The following SLCO5A1 variants were observed in gnomAD, a reference collection of about 807,000 sequenced individuals.
SLCO5A1 encodes solute carrier organic anion transporter family member 5A1.
A neutral mutation model predicts 65.1 loss-of-function variants in SLCO5A1; 39 were observed. The ratio of observed to expected loss-of-function variants is 0.60; its 90% CI spans 0.46 to 0.78. SLCO5A1 has a LOEUF of 0.78. Among genes scored for constraint, SLCO5A1 ranks in the 30% least tolerant of loss-of-function variants. The pLI is 0.00. For missense variants in SLCO5A1, 1,029 were observed against 1,069.4 expected, an observed-to-expected ratio of 0.96 and a Z score of 0.53; for synonymous variants, 438 against 415.7, an observed-to-expected ratio of 1.05 and a Z score of -0.65.
chr8:69,794,341 G>T, intron 2 of SLCO5A1: 2 of 440,034 alleles, frequency 4.5e-6, no homozygotes, highest in Admixed American at 2.5e-5. Flanking sequence ...GGACTGAGTA[G>T]ACAGTTCATC....
chr8:69,684,319 A>G (rs527962016), intron 6 of SLCO5A1, among the ~76,000 whole-genome samples: 1 of 152,324 alleles, frequency 6.6e-6, no homozygotes, highest in South Asian at 2.1e-4. Context: ...ATGGGCCAGT[A>G]GTTCCTACTG....
chr8:69,753,989 C>G (rs113624658), intron 4 of SLCO5A1, among the ~76,000 whole-genome samples: 2,162 of 143,186 alleles, frequency 0.015, 47 homozygotes, highest in African/African-American at 0.052. Flanking sequence ...GCACTCCAGC[C>G]TGGGTGACCT....
At chr8:69,706,946 G>A (rs571359677) in intron 5 of SLCO5A1, among the ~76,000 whole-genome samples, 4 of 152,156 alleles carry the variant, frequency 2.6e-5, no homozygotes, top group African/African-American at 4.8e-5. Context: ...TCAGGAGTTC[G>A]AGACCAGCCT....
chr8:69,683,256 C>A (rs73686123), intron 6 of SLCO5A1, among the ~76,000 whole-genome samples: 3 of 152,256 alleles, frequency 2.0e-5, no homozygotes, highest in African/African-American at 7.2e-5. Context: ...TTTGTGACCA[C>A]CAGTTTTGTG....
chr8:69,729,117 A>G (rs114444175), intron 5 of SLCO5A1, among the ~76,000 whole-genome samples: 249 of 152,294 alleles, frequency 1.6e-3, no homozygotes, highest in African/African-American at 5.1e-3. Context: ...GGGGCTCCCA[A>G]TGGCCAAAGA....
chr8:69,799,142 A>G (rs1819628618), intron 2 of SLCO5A1, among the ~76,000 whole-genome samples: 1 of 152,238 alleles, frequency 6.6e-6, no homozygotes, highest in Admixed American at 6.5e-5. Context: ...TGTTTGTTTA[A>G]TAATAACCTG....
At chr8:69,684,185 C>G (rs960361461) in intron 6 of SLCO5A1, among the ~76,000 whole-genome samples, 9 of 152,092 alleles carry the variant, frequency 5.9e-5, no homozygotes, top group African/African-American at 2.2e-4. Context: ...TTGTATATAC[C>G]TAAAAAAATA....
intron 4 of SLCO5A1, among the ~76,000 whole-genome samples, chr8:69,753,969 T>C (rs1409233573): frequency 8.1e-6 from 1 of 124,222 alleles, no homozygotes; most frequent in Non-Finnish European, 1.6e-5. Context: ...TAAGTGGAGA[T>C]CACACCACTG....
chr8:69,718,717 A>G (rs573213414), intron 5 of SLCO5A1, among the ~76,000 whole-genome samples: 23 of 152,156 alleles, frequency 1.5e-4, no homozygotes, highest in Non-Finnish European at 2.5e-4. Flanking sequence ...TTGAGCATCC[A>G]CTCTGTGCCA....
At chr8:69,748,929 T>C (rs1817157486) in intron 4 of SLCO5A1, among the ~76,000 whole-genome samples, 2 of 151,934 alleles carry the variant, frequency 1.3e-5, no homozygotes, top group South Asian at 4.2e-4. Flanking sequence ...AAGAAAGGGG[T>C]TTTATATAAA....
chr8:69,755,817 TATAA>T (rs1389210460), intron 3 of SLCO5A1, among the ~76,000 whole-genome samples, 176 bp from the exon 4 acceptor site: 1 of 152,226 alleles, frequency 6.6e-6, no homozygotes, highest in Non-Finnish European at 1.5e-5. Context: ...CTTTCTGTGA[TATAA>T]ATGAGAAATC....
chr8:69,814,448 T>C (rs994941311), intron 2 of SLCO5A1, among the ~76,000 whole-genome samples: 1 of 151,650 alleles, frequency 6.6e-6, no homozygotes, highest in Non-Finnish European at 1.5e-5. Context: ...ATTAGGGAAA[T>C]GCAAATTAAA....
intron 2 of SLCO5A1, among the ~76,000 whole-genome samples, chr8:69,825,614 T>C (rs1275873876): frequency 1.7e-3 from 254 of 151,864 alleles, no homozygotes; most frequent in Admixed American, 3.2e-3. Flanking sequence ...AAACCACTGC[T>C]CAATGAAATA....
intron 6 of SLCO5A1, among the ~76,000 whole-genome samples, chr8:69,698,653 T>C (rs1814597365): frequency 6.6e-6 from 1 of 152,252 alleles, no homozygotes. Flanking sequence ...TGTGTATGTC[T>C]TCTTTTGAAA....
At chr8:69,822,628 G>C (rs944121952) in intron 2 of SLCO5A1, among the ~76,000 whole-genome samples, 6 of 152,134 alleles carry the variant, frequency 3.9e-5, no homozygotes, top group African/African-American at 1.4e-4. Flanking sequence ...CCACACCCTA[G>C]GATAAGTTTG....
chr8:69,717,431 G>T (rs1201266876), intron 5 of SLCO5A1, among the ~76,000 whole-genome samples: 1 of 152,110 alleles, frequency 6.6e-6, no homozygotes, highest in East Asian at 1.9e-4. Context: ...TATTTCTGGG[G>T]TCTCTACCCT....
chr8:69,722,776 GGTGTGTGT>G (rs56353428), intron 5 of SLCO5A1, among the ~76,000 whole-genome samples: 5 of 148,130 alleles, frequency 3.4e-5, no homozygotes, highest in Middle Eastern at 3.5e-3. Flanking sequence ...ACACATGCAT[GGTGTGTGT>G]GTGTGTGTGT....
chr8:69,800,853 C>G (rs893704271), intron 2 of SLCO5A1, among the ~76,000 whole-genome samples: 1 of 152,172 alleles, frequency 6.6e-6, no homozygotes, highest in Non-Finnish European at 1.5e-5. Flanking sequence ...AGTGTTCCAG[C>G]CTGGATATAT....
chr8:69,805,211 G>A (rs991937583), intron 2 of SLCO5A1, among the ~76,000 whole-genome samples: 1 of 152,054 alleles, frequency 6.6e-6, no homozygotes, highest in African/African-American at 2.4e-5. Context: ...CTAGCCTACT[G>A]GACATTTTTA....
Sources: gnomAD v4.1 joint callset for allele counts (sites outside exome capture counted in the v4.1 genomes callset) on GRCh38, gnomAD v4.1.1 for gene constraint, MANE v1.5 for transcripts, NCBI Gene and HGNC (gene_info 2026-07-23, HGNC 2026-07-21) for gene names.